The following LCLAT1 variants were observed in gnomAD, a reference collection of about 807,000 sequenced individuals.
LCLAT1 encodes the protein lysocardiolipin acyltransferase 1, also known as 1-AGP acyltransferase 8.
Under a neutral mutation model 30.7 loss-of-function variants are expected in LCLAT1, and 11 were observed. The ratio of observed to expected loss-of-function variants is 0.36; its 90% confidence interval spans 0.23 to 0.59. LCLAT1 has a LOEUF of 0.59. Among genes scored for constraint, LCLAT1 ranks in the 20% least tolerant of loss-of-function variants. The pLI is 0.77. For missense variants in LCLAT1, 402 were observed against 458.6 expected, an observed-to-expected ratio of 0.88 and a Z score of 1.13; for synonymous variants, 155 against 151.3, an observed-to-expected ratio of 1.02 and a Z score of -0.18.
rs1681864247 is a variant in LCLAT1 at position 30,456,864 on chromosome 2, A to C, written c.-5+9481A>C. The stretch of plus-strand genomic sequence containing the variant: ...TTGTACTTAGCTAGAGCAGTAGGAA[A>C]AACTACATTTACTTGATCTTGCTGG... On this transcript the variant is annotated intron_variant, in intron 1 of 5. Coordinates refer to ENST00000379509, the MANE Select transcript of LCLAT1 (RefSeq NM_001002257.3). 2.0e-5 allele frequency among the ~76,000 whole-genome samples: 3 copies of C among 152,188 alleles called. No individual in the cohort carries two copies. In the South Asian group the frequency reaches 6.2e-4, roughly 32 times the overall value.
intron 1 of LCLAT1, among the ~76,000 whole-genome samples, chr2:30,524,508 A>G (rs1458093100): frequency 1.3e-5 from 2 of 152,204 alleles, no homozygotes; most frequent in Admixed American, 6.5e-5. Context: ...TGAATGTTAT[A>G]TGGAAAATTC....
intron 3 of LCLAT1, among the ~76,000 whole-genome samples, chr2:30,538,221 A>G (rs2148405096): frequency 6.6e-6 from 1 of 152,328 alleles, no homozygotes; most frequent in South Asian, 2.1e-4. Context: ...AGATATAAGA[A>G]AGATTAGAGC....
At chr2:30,589,704 T>A (rs1225971777) in intron 5 of LCLAT1, among the ~76,000 whole-genome samples, 2 of 152,226 alleles carry the variant, frequency 1.3e-5, no homozygotes, top group African/African-American at 4.8e-5. Flanking sequence ...CACAAATGTG[T>A]ATACACACAG....
intron 5 of LCLAT1, among the ~76,000 whole-genome samples, chr2:30,617,782 T>A (rs1225445555): frequency 6.6e-6 from 1 of 152,198 alleles, no homozygotes; most frequent in Non-Finnish European, 1.5e-5. Context: ...TATTTGTCTT[T>A]CATATACCTT....
chr2:30,625,462 A>G (rs918689935), intron 5 of LCLAT1, among the ~76,000 whole-genome samples: 3 of 152,080 alleles, frequency 2.0e-5, no homozygotes, highest in Non-Finnish European at 4.4e-5. Context: ...GAGACCTTCT[A>G]CTCTCTAATT....
intron 1 of LCLAT1, among the ~76,000 whole-genome samples, chr2:30,495,089 CT>C (rs34953488): frequency 0.22 from 33,672 of 151,524 alleles, 3,816 homozygotes; most frequent in East Asian, 0.35. Context: ...ACATTTTAAT[CT>C]TTTCTTAAAA....
At chr2:30,571,421 A>T (rs1665774422) in intron 5 of LCLAT1, among the ~76,000 whole-genome samples, 1 of 152,198 alleles carries the variant, frequency 6.6e-6, no homozygotes, top group South Asian at 2.1e-4. Flanking sequence ...GCTACCTAGG[A>T]AATAAAAGCA....
chr2:30,452,559 C>CT (rs1244947273), intron 1 of LCLAT1, among the ~76,000 whole-genome samples: 8 of 152,080 alleles, frequency 5.3e-5, no homozygotes, highest in East Asian at 1.9e-4. Flanking sequence ...AAAGTGTAAT[C>CT]TAAGTTTTGA....
At chr2:30,535,581 T>C (rs1489610574) in intron 3 of LCLAT1, among the ~76,000 whole-genome samples, 3 of 152,056 alleles carry the variant, frequency 2.0e-5, no homozygotes, top group African/African-American at 7.2e-5. Flanking sequence ...TCATATGGAG[T>C]CTATATTACT....
intron 1 of LCLAT1, among the ~76,000 whole-genome samples, chr2:30,502,686 T>C (rs938726459): frequency 6.6e-6 from 1 of 150,438 alleles, no homozygotes; most frequent in Non-Finnish European, 1.5e-5. Flanking sequence ...ATCTATGTTG[T>C]AGCATGTGTC....
chr2:30,466,725 G>T (rs2148283629), intron 1 of LCLAT1, among the ~76,000 whole-genome samples: 1 of 152,240 alleles, frequency 6.6e-6, no homozygotes, highest in South Asian at 2.1e-4. Flanking sequence ...TATAGGGCCT[G>T]AGCTTCTGCA....
chr2:30,514,703 G>A (rs977292194), intron 1 of LCLAT1, among the ~76,000 whole-genome samples: 3 of 152,092 alleles, frequency 2.0e-5, no homozygotes, highest in Admixed American at 6.6e-5. Flanking sequence ...TGATCCTCTG[G>A]CTGTTGAGTG....
intron 5 of LCLAT1, among the ~76,000 whole-genome samples, chr2:30,594,145 GT>G (rs1572670476): frequency 6.6e-6 from 1 of 151,876 alleles, no homozygotes; most frequent in Non-Finnish European, 1.5e-5. Context: ...AAGCTTTATT[GT>G]GCTATTTGAC....
intron 3 of LCLAT1, among the ~76,000 whole-genome samples, chr2:30,535,210 A>G (rs1344155249): frequency 1.3e-5 from 2 of 152,192 alleles, no homozygotes; most frequent in African/African-American, 4.8e-5. Flanking sequence ...AAAACCATGT[A>G]TCACCCATCT....
At chr2:30,543,903 T>G (rs1664270558) in intron 3 of LCLAT1, among the ~76,000 whole-genome samples, 1 of 152,134 alleles carries the variant, frequency 6.6e-6, no homozygotes, top group African/African-American at 2.4e-5. Context: ...TTTCTATTCT[T>G]ATCTTTATTA....
intron 1 of LCLAT1, among the ~76,000 whole-genome samples, chr2:30,467,274 C>G (rs1477650468): frequency 7.9e-5 from 12 of 152,092 alleles, no homozygotes; most frequent in Non-Finnish European, 1.6e-4. Context: ...TGAACTCATC[C>G]TTTTTTATGG....
At chr2:30,494,953 ATT>A (rs563456939) in intron 1 of LCLAT1, among the ~76,000 whole-genome samples, 2 of 137,900 alleles carry the variant, frequency 1.5e-5, no homozygotes, top group Admixed American at 7.2e-5. Flanking sequence ...ATGAAGTGTG[ATT>A]TTTTTTTTTT....
intron 1 of LCLAT1, among the ~76,000 whole-genome samples, chr2:30,516,109 A>G (rs568074355): frequency 8.7e-4 from 133 of 152,332 alleles, no homozygotes; most frequent in African/African-American, 2.8e-3. Context: ...CCGTTAAGCT[A>G]AAAGCAGGAG....
intron 1 of LCLAT1, chr2:30,476,535 T>G (rs1173721013): frequency 4.4e-6 from 2 of 455,886 alleles, no homozygotes; most frequent in African/African-American, 2.0e-5. Context: ...CTTAGGAGAA[T>G]CTAATGCCTG....
Sources: gnomAD v4.1 joint callset for allele counts (sites outside exome capture counted in the v4.1 genomes callset) on GRCh38, gnomAD v4.1.1 for gene constraint, MANE v1.5 for transcripts, NCBI Gene and HGNC (gene_info 2026-07-23, HGNC 2026-07-21) for gene names.